Variants in CTDSPL2 observed in about 807,000 individuals in gnomAD.
CTDSPL2 encodes CTD small phosphatase like 2.
A neutral mutation model predicts 60.0 loss-of-function variants in CTDSPL2; 5 were observed. The observed-to-expected ratio is 0.08, with a 90% CI of 0.04 to 0.18. The LOEUF (loss-of-function observed/expected upper bound fraction) is 0.18. CTDSPL2 is among the 10% of genes least tolerant of loss of function. The pLI, the probability that CTDSPL2 is intolerant of heterozygous loss-of-function variation, is 1.00. For synonymous variants in CTDSPL2, 186 were observed against 189.3 expected (o/e 0.98, Z 0.14); for missense variants, 370 against 548.8 (o/e 0.67, Z 3.26).
intron 8 of CTDSPL2, among the ~76,000 whole-genome samples, chr15:44,507,436 G>C (rs974616313): frequency 6.6e-6 from 1 of 152,002 alleles, no homozygotes; most frequent in Non-Finnish European, 1.5e-5. Context: ...ATTTTTATTG[G>C]TTTTAGTGTT....
chr15:44,465,454 T>TGTG (rs373350331), intron 2 of CTDSPL2, among the ~76,000 whole-genome samples: 1,874 of 152,270 alleles, frequency 0.012, 25 homozygotes, highest in Middle Eastern at 0.051. Context: ...ACCTTTTAAC[T>TGTG]GTGGTCTACA....
intron 1 of CTDSPL2, among the ~76,000 whole-genome samples, chr15:44,457,845 C>G (rs905034152): frequency 6.6e-6 from 1 of 152,238 alleles, no homozygotes; most frequent in African/African-American, 2.4e-5. Context: ...CTCCTGACTT[C>G]AGGTGAGCCA....
At chr15:44,492,425 A>G (rs932809075) in intron 5 of CTDSPL2, among the ~76,000 whole-genome samples, 3 of 152,202 alleles carry the variant, frequency 2.0e-5, no homozygotes, top group East Asian at 1.9e-4. Context: ...TCAACTTCCA[A>G]TTCTTTTACT....
intron 5 of CTDSPL2, among the ~76,000 whole-genome samples, chr15:44,492,570 T>G (rs2081235121): frequency 6.6e-6 from 1 of 152,156 alleles, no homozygotes; most frequent in Non-Finnish European, 1.5e-5. Context: ...AAGGAAACTT[T>G]TAAAAAAGTA....
At chr15:44,470,097 CA>C (rs886463524) in intron 2 of CTDSPL2, among the ~76,000 whole-genome samples, 5,364 of 54,264 alleles carry the variant, frequency 0.099, 103 homozygotes, top group East Asian at 0.19. Context: ...GACTCTGTCT[CA>C]AAAAAAAAAA....
chr15:44,442,587 G>A (rs1317903588), intron 1 of CTDSPL2, among the ~76,000 whole-genome samples: 1 of 152,034 alleles, frequency 6.6e-6, no homozygotes, highest in Admixed American at 6.6e-5. Context: ...TATTAAAAAG[G>A]CGGGGTAGGA....
intron 1 of CTDSPL2, among the ~76,000 whole-genome samples, chr15:44,437,557 A>G (rs1418306320): frequency 6.6e-6 from 1 of 152,200 alleles, no homozygotes; most frequent in Non-Finnish European, 1.5e-5. Context: ...GTAGGCAAGA[A>G]TTAAGTATTG....
intron 8 of CTDSPL2, among the ~76,000 whole-genome samples, chr15:44,504,376 G>A (rs1476892411): frequency 6.6e-6 from 1 of 152,046 alleles, no homozygotes; most frequent in Non-Finnish European, 1.5e-5. Flanking sequence ...AACAAGAGAA[G>A]TAGAGGGTCA....
At chr15:44,522,927 T>A (rs1233412106) in intron 12 of CTDSPL2, among the ~76,000 whole-genome samples, 1 of 152,240 alleles carries the variant, frequency 6.6e-6, no homozygotes, top group Non-Finnish European at 1.5e-5. Context: ...TTTACCTGTC[T>A]TGGTTTGGCC....
In CTDSPL2 at chr15:44,458,394, A is replaced by T. The variant is rs534159167; in HGVS notation, c.-24-597A>T. On this transcript the variant is annotated intron_variant, in intron 1 of 12. Transcript: ENST00000260327. ...TAAATAGCCTCATATTTTCTTTCTG[A>T]TGTGAATCGTTTTAAAAGTATCATT... Among the ~76,000 whole-genome samples the T allele has an allele frequency of 8.5e-5, 13 of 152,322 alleles. No homozygotes were observed. In the East Asian group the frequency reaches 2.3e-3, roughly 27 times the overall value.
intron 1 of CTDSPL2, among the ~76,000 whole-genome samples, chr15:44,442,242 C>T (rs1397125374): frequency 5.3e-5 from 8 of 151,976 alleles, no homozygotes; most frequent in East Asian, 3.9e-4. Flanking sequence ...CCTGAGGTCA[C>T]GAGTTCGAGA....
intron 4 of CTDSPL2, among the ~76,000 whole-genome samples, chr15:44,486,906 G>A (rs1009861545): frequency 7.2e-5 from 11 of 151,882 alleles, no homozygotes; most frequent in African/African-American, 2.4e-5. Context: ...TGGGACTGTA[G>A]GTACCTGCCA....
In CTDSPL2 at chr15:44,466,940, AAAAAC is replaced by A. The variant is rs374825117; in HGVS notation, c.186+7757_186+7761del. 2.0e-3 allele frequency among the ~76,000 whole-genome samples: 309 copies of A among 152,220 alleles called. 1 individual carries two copies. The highest frequency in any genetic ancestry group is 6.8e-3 in the African/African-American group (281 of 41,528). On this transcript the variant is annotated intron_variant, in intron 2 of 12. Coordinates refer to ENST00000260327, the MANE Select transcript of CTDSPL2 (RefSeq NM_016396.3). ...GGTGACACAGCGCGACTCCGTCTCA[AAAAAC>A]AAAACAAAACAAAACATAATGTTAC...
chr15:44,522,895 A>C (rs1282388275), intron 12 of CTDSPL2, among the ~76,000 whole-genome samples: 1 of 152,214 alleles, frequency 6.6e-6, no homozygotes, highest in African/African-American at 2.4e-5. Flanking sequence ...TTTAAAGACC[A>C]ATGTAGAAAG....
intron 1 of CTDSPL2, among the ~76,000 whole-genome samples, chr15:44,428,527 T>A (rs2079793367): frequency 1.3e-5 from 2 of 152,230 alleles, no homozygotes; most frequent in Admixed American, 6.5e-5. Context: ...GGTGGCTGGA[T>A]GTGTGAATGA....
At chr15:44,513,842 A>G (rs1374311463) in intron 8 of CTDSPL2, among the ~76,000 whole-genome samples, 1 of 152,218 alleles carries the variant, frequency 6.6e-6, no homozygotes, top group African/African-American at 2.4e-5. Flanking sequence ...CTTTTTGAAT[A>G]TTAGATTATA....
At chr15:44,479,022 T>C (rs1338605703) in intron 2 of CTDSPL2, among the ~76,000 whole-genome samples, 1 of 152,030 alleles carries the variant, frequency 6.6e-6, no homozygotes, top group African/African-American at 2.4e-5. Flanking sequence ...GGCTTTTACA[T>C]TTTCTTCATT....
chr15:44,436,293 G>T (rs1381484785), intron 1 of CTDSPL2, among the ~76,000 whole-genome samples: 1 of 152,172 alleles, frequency 6.6e-6, no homozygotes, highest in Non-Finnish European at 1.5e-5. Context: ...GACCAAAGAG[G>T]TCATCTAGTC....
At chr15:44,464,441 G>T (rs1420323095) in intron 2 of CTDSPL2, among the ~76,000 whole-genome samples, 2 of 152,178 alleles carry the variant, frequency 1.3e-5, no homozygotes, top group African/African-American at 4.8e-5. Context: ...AAGTGGTGCT[G>T]CTAGGATTTA....
Sources: allele counts gnomAD v4.1 joint callset (sites outside exome capture counted in the v4.1 genomes callset), GRCh38; gene constraint gnomAD v4.1.1; transcripts MANE v1.5; gene names NCBI Gene and HGNC (gene_info 2026-07-23, HGNC 2026-07-21).